The following THADA variants were observed in gnomAD, a reference collection of about 807,000 sequenced individuals.
THADA encodes tRNA (32-2'-O)-methyltransferase regulator THADA.
THADA carries 213 observed loss-of-function variants against 219.8 expected under a neutral mutation model. The observed-to-expected ratio is 0.97, with a 90% confidence interval of 0.87 to 1.09. THADA has a LOEUF of 1.09. Ranked by LOEUF, THADA falls within the 50% of genes least tolerant of loss-of-function variation. THADA has a pLI of 0.00. For synonymous variants in THADA, 1,018 were observed against 828.9 expected (o/e 1.23, Z -3.92); for missense variants, 2,956 against 2,311.3 (o/e 1.28, Z -5.72).
Position 43,574,797 on chromosome 2 carries a change from C to A in THADA, c.1268G>T (p.Arg423Leu). 1 of 1,613,916 alleles carries A rather than the reference C, an allele frequency of 6.2e-7. No homozygotes were observed. Among genetic ancestry groups the A allele is most frequent in the Non-Finnish European group, 8.5e-7 (1 of 1,179,878 alleles). ...IMFKNLLQMH[R>L]LTVEGADFVP... Reference sequence around the variant, plus strand: ...GAAATCTGCACCTTCCACAGTGAGCCGGTGCATTTGGAGAAGGTTTTTGAA... The same window carrying A: ...GAAATCTGCACCTTCCACAGTGAGCAGGTGCATTTGGAGAAGGTTTTTGAA... Residue 423 changes from arginine (R) to leucine (L), a missense_variant, in exon 11 of 38, where the codon CGG becomes CTG. Arg to Leu is a moderately radical substitution (Grantham distance 102). Transcript: ENST00000405975.
At chr2:43,476,113 T>C (rs770019551) in intron 26 of THADA, among the ~76,000 whole-genome samples, 4 of 152,164 alleles carry the variant, frequency 2.6e-5, no homozygotes, top group Non-Finnish European at 5.9e-5. Context: ...AGTCTAATTA[T>C]AGTGGATCTA....
At chr2:43,569,249 T>A (rs1699030556) in intron 14 of THADA, among the ~76,000 whole-genome samples, 2 of 152,182 alleles carry the variant, frequency 1.3e-5, no homozygotes, top group African/African-American at 4.8e-5. Flanking sequence ...AGTGCTGAGA[T>A]TATAGGCATG....
At chr2:43,308,223 G>A (rs1054855802) in intron 31 of THADA, among the ~76,000 whole-genome samples, 3 of 151,958 alleles carry the variant, frequency 2.0e-5, no homozygotes, top group Admixed American at 6.6e-5. Flanking sequence ...TACGTTATAC[G>A]CTGCAAAAGA....
At chr2:43,357,057 T>G (rs1213143415) in intron 29 of THADA, among the ~76,000 whole-genome samples, 1 of 152,242 alleles carries the variant, frequency 6.6e-6, no homozygotes, top group Non-Finnish European at 1.5e-5. Context: ...AGATGGCAAG[T>G]GTCACTGTGC....
At chr2:43,474,052 G>C (rs558553909) in intron 26 of THADA, among the ~76,000 whole-genome samples, 1 of 152,126 alleles carries the variant, frequency 6.6e-6, no homozygotes. Context: ...TGGAACCATC[G>C]TCATATATGT....
chr2:43,397,487 G>T (rs981353614), intron 29 of THADA, among the ~76,000 whole-genome samples: 75 of 151,552 alleles, frequency 4.9e-4, no homozygotes, highest in African/African-American at 1.7e-3. Context: ...GTTTTTTTTG[G>T]TAGCACAGAG....
rs191879012 is a variant in THADA, at chr2:43,286,100, T to C, written c.5164+808A>G. ...ATCCATTCATTTCTCACCTAGATTA[T>C]TGCAATAGGCCTCCCAGAAGAGGGG... On this transcript the variant is annotated intron_variant, in intron 35 of 37. Transcript: ENST00000405975. 6.6e-5 allele frequency among the ~76,000 whole-genome samples: 10 copies of C among 152,330 alleles called. No individual in the cohort carries two copies. The East Asian group carries it at 9.7e-4, about 15-fold the overall frequency.
chr2:43,324,788 C>A (rs1679130523), intron 30 of THADA, among the ~76,000 whole-genome samples: 1 of 152,078 alleles, frequency 6.6e-6, no homozygotes, highest in Admixed American at 6.5e-5. Flanking sequence ...GGACAGGAAA[C>A]TAAGCCACAG....
chr2:43,450,450 A>G (rs1012945109), intron 26 of THADA, among the ~76,000 whole-genome samples: 14 of 152,294 alleles, frequency 9.2e-5, no homozygotes, highest in African/African-American at 2.9e-4. Context: ...ACAACCTTAG[A>G]ATATTAAATT....
At chr2:43,260,372 A>C (rs549579924) in intron 36 of THADA, among the ~76,000 whole-genome samples, 1 of 152,150 alleles carries the variant, frequency 6.6e-6, no homozygotes, top group East Asian at 1.9e-4. Flanking sequence ...TTTCTTCTAC[A>C]GAGTGCTCGG....
At chr2:43,454,598 T>G (rs1422814923) in intron 26 of THADA, among the ~76,000 whole-genome samples, 1 of 93,114 alleles carries the variant, frequency 1.1e-5, no homozygotes, top group Non-Finnish European at 2.2e-5. Context: ...GGAGACCCTG[T>G]CTAAACACAC....
chr2:43,428,203 T>A lies in THADA; in HGVS notation c.3955A>T (p.Ser1319Cys), dbSNP rs750011789. The stretch of plus-strand genomic sequence containing the variant: ...AACACCAAAAGTAAGAGAAACATGC[T>A]TGGATGACGATTTGGTTCTCCCATA... ...SDMGEPNRHPSMFLLLLVLER... is the reference protein window; with the variant it reads ...SDMGEPNRHPCMFLLLLVLER... Residue 1319 changes from serine to cysteine, a missense_variant, in exon 28 of 38, where the codon AGC becomes TGC. By Grantham distance (112) the Ser-to-Cys change is moderately radical (BLOSUM62 -1). Transcript: ENST00000405975. 1 of 1,604,532 alleles carries A rather than the reference T, an allele frequency of 6.2e-7. No individual in the cohort carries two copies. The highest frequency in any genetic ancestry group is 8.5e-7 in the Non-Finnish European group (1 of 1,174,642).
intron 2 of THADA, 77 bp downstream of exon 2, chr2:43,592,240 C>G (rs1331056555): frequency 1.8e-6 from 2 of 1,104,496 alleles, no homozygotes; most frequent in Non-Finnish European, 2.6e-6. Context: ...ATATTATATG[C>G]TAGGGGTCCC....
intron 15 of THADA, chr2:43,562,850 T>C (rs573694370): frequency 2.0e-5 from 3 of 152,342 alleles, no homozygotes; most frequent in African/African-American, 4.8e-5. Flanking sequence ...ATCTAACTTG[T>C]TGGTGTTACA....
chr2:43,321,202 T>G (rs1396601962), intron 30 of THADA, among the ~76,000 whole-genome samples: 1 of 152,230 alleles, frequency 6.6e-6, no homozygotes, highest in Admixed American at 6.5e-5. Flanking sequence ...AGAACAGCAC[T>G]GAAGGGCCTT....
intron 25 of THADA, among the ~76,000 whole-genome samples, chr2:43,491,145 A>G (rs967398365): frequency 3.9e-5 from 6 of 152,186 alleles, no homozygotes; most frequent in African/African-American, 1.4e-4. Context: ...CCCATCCACT[A>G]TAAATAAAGC....
chr2:43,361,603 C>A (rs1479463496), intron 29 of THADA, among the ~76,000 whole-genome samples: 1 of 152,228 alleles, frequency 6.6e-6, no homozygotes, highest in Non-Finnish European at 1.5e-5. Flanking sequence ...GACTTGACCA[C>A]TGGACTTCTG....
intron 36 of THADA, among the ~76,000 whole-genome samples, chr2:43,256,041 G>A (rs538860901): frequency 1.5e-4 from 23 of 152,234 alleles, no homozygotes; most frequent in Non-Finnish European, 3.2e-4. Flanking sequence ...AATGTCAAGG[G>A]GCACATAACT....
At chr2:43,427,561 C>T (rs1336444636) in intron 28 of THADA, among the ~76,000 whole-genome samples, 3 of 146,502 alleles carry the variant, frequency 2.0e-5, no homozygotes, top group South Asian at 2.2e-4. Flanking sequence ...TATATACACG[C>T]ACACACACAA....
Sources: gnomAD v4.1 joint callset for allele counts (sites outside exome capture counted in the v4.1 genomes callset) on GRCh38, gnomAD v4.1.1 for gene constraint, MANE v1.5 for transcripts, NCBI Gene and HGNC (gene_info 2026-07-23, HGNC 2026-07-21) for gene names.